ROBO2: variants seen among roughly 807,000 people sequenced by gnomAD.
The protein encoded by ROBO2 is roundabout homolog 2.
In ROBO2, 53 loss-of-function variants were observed where a neutral mutation model predicts 160.8. The observed-to-expected ratio is 0.33, with a 90% CI of 0.26 to 0.41. The LOEUF (loss-of-function observed/expected upper bound fraction) is 0.41, where lower values mean the gene tolerates loss of function less well. ROBO2 is among the 10% of genes least tolerant of loss of function. The probability of loss-of-function intolerance (pLI) is 1.00; values close to 1 mark genes in which losing one functional copy is unlikely to be tolerated. For missense variants in ROBO2, 1,577 were observed against 1,722.4 expected, an observed-to-expected ratio of 0.92 and a Z score of 1.49; for synonymous variants, 664 against 611.7, an observed-to-expected ratio of 1.09 and a Z score of -1.26.
chr3:77,275,127 T>G lies in ROBO2; in HGVS notation c.388+176787T>G, dbSNP rs187183735. On this transcript the variant is annotated intron_variant, in intron 2 of 25. Transcript: ENST00000461745. ...ATTTGACACATGAAAATATATTACA[T>G]AATTTAATATATCAATGAAGACAGG... Among the ~76,000 whole-genome samples the G allele has an allele frequency of 4.4e-3, 674 of 151,960 alleles. 2 individuals are homozygous for G. The highest frequency in any genetic ancestry group is 7.4e-3 in the Non-Finnish European group (505 of 67,844).
chr3:76,632,993 G>A (rs752815148), intron 2 of ROBO2, among the ~76,000 whole-genome samples: 17 of 152,104 alleles, frequency 1.1e-4, no homozygotes, highest in Non-Finnish European at 1.9e-4. Context: ...ATAGCATTGC[G>A]CCTTTCAGAT....
intron 2 of ROBO2, among the ~76,000 whole-genome samples, chr3:77,200,640 A>G (rs935055758): frequency 1.3e-5 from 2 of 152,042 alleles, no homozygotes; most frequent in Admixed American, 1.3e-4. Context: ...AAGCTTTATC[A>G]GAAGGGCTAT....
At chr3:77,546,230 G>T in intron 6 of ROBO2, 108 bp from the exon 8 acceptor site, 1 of 1,177,078 alleles carries the variant, frequency 8.5e-7, no homozygotes. Context: ...AAAAACTGTA[G>T]TCTCTCTCTG....
At chr3:76,301,823 GGAGTAGTAAGTGA>G (rs1709373593) in intron 2 of ROBO2, among the ~76,000 whole-genome samples, 2 of 152,054 alleles carry the variant, frequency 1.3e-5, no homozygotes. Flanking sequence ...GTTGTAAGTG[GGAGTAGTAAGTGA>G]CAATTTTTCT....
intron 2 of ROBO2, among the ~76,000 whole-genome samples, chr3:77,471,208 G>T (rs2083315325): frequency 6.6e-6 from 1 of 152,086 alleles, no homozygotes; most frequent in South Asian, 2.1e-4. Context: ...AACTAAGATG[G>T]AAATGACTAA....
chr3:76,380,746 G>T (rs548612363), intron 2 of ROBO2, among the ~76,000 whole-genome samples: 1 of 152,180 alleles, frequency 6.6e-6, no homozygotes, highest in Non-Finnish European at 1.5e-5. Context: ...CTACACAGGA[G>T]GGATGTTTTC....
At chr3:77,242,103 A>G (rs1050316123) in intron 2 of ROBO2, among the ~76,000 whole-genome samples, 1 of 152,202 alleles carries the variant, frequency 6.6e-6, no homozygotes, top group Admixed American at 6.5e-5. Context: ...ATGCTGAAAT[A>G]TGTATTACCT....
intron 2 of ROBO2, among the ~76,000 whole-genome samples, chr3:76,024,393 G>A (rs1439743264): frequency 2.0e-5 from 3 of 150,768 alleles, no homozygotes; most frequent in Non-Finnish European, 4.4e-5. Flanking sequence ...TAAAAACCTT[G>A]AGTCGAGTTT....
intron 2 of ROBO2, among the ~76,000 whole-genome samples, chr3:77,319,113 C>T (rs2064383904): frequency 6.6e-6 from 1 of 152,120 alleles, no homozygotes; most frequent in Non-Finnish European, 1.5e-5. Context: ...TTAATCTGCT[C>T]TTACCATATT....
At chr3:77,198,903 A>G (rs2082557970) in intron 2 of ROBO2, among the ~76,000 whole-genome samples, 1 of 151,314 alleles carries the variant, frequency 6.6e-6, no homozygotes, top group South Asian at 2.1e-4. Context: ...ACTCTGTCCT[A>G]AAAAAAAAGA....
intron 2 of ROBO2, among the ~76,000 whole-genome samples, chr3:76,539,902 TG>T (rs1158510964): frequency 6.6e-6 from 1 of 152,180 alleles, no homozygotes; most frequent in African/African-American, 2.4e-5. Flanking sequence ...CCAGCTGTAA[TG>T]AAATGCATTA....
chr3:77,017,504 T>G (rs2062348085), intron 2 of ROBO2, among the ~76,000 whole-genome samples: 3 of 152,214 alleles, frequency 2.0e-5, no homozygotes. Context: ...TCATGAAAAG[T>G]GCACCAGAGC....
At chr3:76,893,710 A>G (rs573869995) in intron 2 of ROBO2, among the ~76,000 whole-genome samples, 1 of 152,240 alleles carries the variant, frequency 6.6e-6, no homozygotes, top group South Asian at 2.1e-4. Context: ...GAAATATACA[A>G]TACATTATTG....
At chr3:76,978,355 C>CT (rs1391345713) in intron 2 of ROBO2, among the ~76,000 whole-genome samples, 12 of 152,050 alleles carry the variant, frequency 7.9e-5, no homozygotes, top group South Asian at 2.1e-4. Context: ...AAATAAAGCA[C>CT]TTTTTTCTGT....
At chr3:77,126,257 C>A (rs904242258) in intron 2 of ROBO2, among the ~76,000 whole-genome samples, 1 of 152,040 alleles carries the variant, frequency 6.6e-6, no homozygotes, top group Non-Finnish European at 1.5e-5. Context: ...CTTTCCAAAA[C>A]GTATTCAAAG....
chr3:76,197,285 C>A (rs13065387), intron 2 of ROBO2, among the ~76,000 whole-genome samples: 8 of 126,582 alleles, frequency 6.3e-5, no homozygotes, highest in Admixed American at 8.0e-5. Context: ...TGGATCTGGG[C>A]CTGCCTTTCT....
At chr3:76,460,774 A>G (rs2078041265) in intron 2 of ROBO2, among the ~76,000 whole-genome samples, 2 of 152,188 alleles carry the variant, frequency 1.3e-5, no homozygotes, top group South Asian at 4.1e-4. Flanking sequence ...TGACCTGCGC[A>G]ATATGTGAGA....
intron 2 of ROBO2, among the ~76,000 whole-genome samples, chr3:76,818,479 T>G (rs1204272563): frequency 3.9e-5 from 6 of 152,140 alleles, no homozygotes. Context: ...TCTATTGCTG[T>G]GCAGAAGCTT....
chr3:75,984,275 T>G lies in ROBO2; in HGVS notation c.109+46673T>G, dbSNP rs1025292642. Among the ~76,000 whole-genome samples, 18 of 151,604 alleles carry G rather than the reference T, an allele frequency of 1.2e-4. 1 individual carries two copies. The highest frequency in any genetic ancestry group is 4.3e-4 in the African/African-American group (18 of 41,410). On this transcript the variant is annotated intron_variant, in intron 2 of 26. Transcript: ENST00000487694. ...AGACTAATTACTAAGTTGATTTGCC[T>G]TTCACTTTAGTTTTTGAAATAACCA...
Sources: allele counts gnomAD v4.1 joint callset (sites outside exome capture counted in the v4.1 genomes callset), GRCh38; gene constraint gnomAD v4.1.1; transcripts MANE v1.5; gene names NCBI Gene and HGNC (gene_info 2026-07-23, HGNC 2026-07-21).